Variants in RPRD1B observed in about 807,000 individuals in gnomAD.
The protein encoded by RPRD1B is regulation of nuclear pre-mRNA domain containing 1B, also known as regulation of nuclear pre-mRNA domain-containing protein 1B.
In RPRD1B, 11 loss-of-function variants were observed where a neutral mutation model predicts 41.5. That is an observed-to-expected ratio of 0.27 (90% CI 0.17 to 0.44). The LOEUF is 0.44. Among genes scored for constraint, RPRD1B ranks in the 20% least tolerant of loss-of-function variants. The pLI is 1.00. For synonymous variants in RPRD1B, 158 were observed against 155.6 expected, an observed-to-expected ratio of 1.02 and a Z score of -0.12; for missense variants, 248 against 389.9, an observed-to-expected ratio of 0.64 and a Z score of 3.06.
chr20:38,034,060 G>C lies in RPRD1B; in HGVS notation c.113G>C (p.Gly38Ala). Residue 38 changes from glycine (G) to alanine (A), a missense_variant, in exon 1 of 7, where the codon GGA (glycine) becomes GCA (alanine). Around this residue, in one of 5 missense-constraint regions of RPRD1B, gnomAD observed 47 missense variants for 103.6 expected, o/e 0.45. Coordinates refer to ENST00000373433, the MANE Select transcript of RPRD1B (RefSeq NM_021215.4). ...CTCATCCACCACCGCAAGCACGCGG[G>C]ACCCATCGTCTCCGTGTGGCACCGC... ...LWLIHHRKHA[G>A]PIVSVWHREL... 3 of 1,614,156 alleles carry C rather than the reference G, an allele frequency of 1.9e-6. No individual in the cohort carries two copies. Among genetic ancestry groups the C allele is most frequent in the Non-Finnish European group, 2.5e-6 (3 of 1,180,006 alleles).
intron 3 of RPRD1B, among the ~76,000 whole-genome samples, chr20:38,049,002 T>G (rs2074151023): frequency 2.6e-5 from 4 of 152,182 alleles, no homozygotes. Flanking sequence ...CAGGCTGGAG[T>G]GCAGTGGCGT....
At chr20:38,070,012 G>C (rs188191064) in intron 6 of RPRD1B, among the ~76,000 whole-genome samples, 1 of 146,104 alleles carries the variant, frequency 6.8e-6, no homozygotes, top group East Asian at 2.0e-4. Context: ...TAGAGAAAAG[G>C]GTTTTTTTTT....
At chr20:38,049,819 G>C (rs1017008539) in intron 3 of RPRD1B, 5 of 471,054 alleles carry the variant, frequency 1.1e-5, no homozygotes, top group South Asian at 6.2e-5. Context: ...TCCAAGTACT[G>C]ATAGTATTGA....
chr20:38,034,553 T>C (rs2073974506), intron 1 of RPRD1B, among the ~76,000 whole-genome samples: 1 of 152,140 alleles, frequency 6.6e-6, no homozygotes, highest in African/African-American at 2.4e-5. Flanking sequence ...TGTGTCTCCG[T>C]TTTCTCATCT....
intron 6 of RPRD1B, among the ~76,000 whole-genome samples, chr20:38,089,408 A>C (rs2074592453): frequency 6.6e-6 from 1 of 152,214 alleles, no homozygotes; most frequent in African/African-American, 2.4e-5. Context: ...TTTATAAAGC[A>C]TTTTGAAACT....
chr20:38,073,761 T>C (rs1226382670), intron 6 of RPRD1B, among the ~76,000 whole-genome samples: 1 of 152,250 alleles, frequency 6.6e-6, no homozygotes, highest in Non-Finnish European at 1.5e-5. Context: ...GCCGGTGATC[T>C]AATTGTCATT....
rs756651726 is a variant in RPRD1B at position 38,066,149 on chromosome 20, G to A, written c.724G>A (p.Gly242Arg). 16 of 1,614,142 alleles carry A rather than the reference G, an allele frequency of 9.9e-6. No individual in the cohort carries two copies. Among genetic ancestry groups the A allele is most frequent in the Non-Finnish European group, 1.3e-5 (15 of 1,180,032 alleles). ...ATGTCTGTTACTAGCAGAATATAAC[G>A]GGCGCCTGGCAGCAGAACTGGAGGA... ...EACLLLAEYN[G>R]RLAAELEDRR... The change falls in exon 6 of 7, where the codon GGG (glycine) becomes AGG (arginine). Residue 242 changes from glycine (G) to arginine (R), a missense_variant. Coordinates refer to ENST00000373433, the MANE Select transcript of RPRD1B (RefSeq NM_021215.4).
chr20:38,068,439 T>A (rs953574070), intron 6 of RPRD1B, among the ~76,000 whole-genome samples: 4 of 152,130 alleles, frequency 2.6e-5, no homozygotes, highest in African/African-American at 9.7e-5. Context: ...GTCACTCAGG[T>A]TGGAGTGCAG....
At position 38,090,641 on chromosome 20, in the gene RPRD1B, G is replaced by A. The variant is rs1025490100; in HGVS notation, c.*766G>A. 66 of 985,362 alleles carry A rather than the reference G, an allele frequency of 6.7e-5. No individual in the cohort carries two copies. Among genetic ancestry groups the A allele is most frequent in the East Asian group, 1.1e-4 (1 of 8,832 alleles). 61.0% of individuals were successfully genotyped at this position (985,362 alleles called of 1,614,324 possible). On this transcript the variant is annotated 3_prime_UTR_variant, in exon 7 of 7. Coordinates refer to ENST00000373433, the MANE Select transcript of RPRD1B (RefSeq NM_021215.4). ...CTTCTCCACTGTCGGAGCACGTTCC[G>A]AAAAACAGAATGCCTTGATCCCTGG...
chr20:38,086,486 A>G (rs999301566), intron 6 of RPRD1B, among the ~76,000 whole-genome samples: 2 of 152,030 alleles, frequency 1.3e-5, no homozygotes, highest in Non-Finnish European at 2.9e-5. Flanking sequence ...TTTTCTTTTT[A>G]CCAGCCTCAG....
At chr20:38,082,032 T>C (rs1343409486) in intron 6 of RPRD1B, among the ~76,000 whole-genome samples, 1 of 152,220 alleles carries the variant, frequency 6.6e-6, no homozygotes, top group Non-Finnish European at 1.5e-5. Flanking sequence ...TCATTGTGTC[T>C]GCCAGGTTTT....
chr20:38,078,972 T>C (rs2122760867), intron 6 of RPRD1B, among the ~76,000 whole-genome samples: 1 of 152,356 alleles, frequency 6.6e-6, no homozygotes, highest in African/African-American at 2.4e-5. Context: ...TTAATAATTC[T>C]TTTTCTTCAA....
intron 4 of RPRD1B, 30 bp from the exon 5 acceptor site, chr20:38,059,364 G>T: frequency 6.3e-7 from 1 of 1,594,010 alleles, no homozygotes; most frequent in Non-Finnish European, 8.6e-7. Flanking sequence ...TGTCTTAATG[G>T]GTAGTGTTGT....
At chr20:38,066,599 A>G (rs2074359212) in intron 6 of RPRD1B, among the ~76,000 whole-genome samples, 1 of 152,180 alleles carries the variant, frequency 6.6e-6, no homozygotes, top group South Asian at 2.1e-4. Flanking sequence ...ACCAAAGAAT[A>G]TGTTTGGTAG....
intron 6 of RPRD1B, among the ~76,000 whole-genome samples, chr20:38,076,154 C>G (rs2074457774): frequency 6.6e-6 from 1 of 152,196 alleles, no homozygotes; most frequent in Admixed American, 6.5e-5. Flanking sequence ...GGCATAGACT[C>G]AGTAGGAATT....
In RPRD1B at chr20:38,089,955, C is replaced by T; in HGVS notation, c.*80C>T. 1 of 1,552,936 alleles carries T rather than the reference C, an allele frequency of 6.4e-7. No individual in the cohort carries two copies. Among genetic ancestry groups the T allele is most frequent in the Non-Finnish European group, 8.7e-7 (1 of 1,152,046 alleles). ...TCATGGTTGGAAATAACCTTCTAGC[C>T]CCTGGTTCTATCCCTTCTTCCGCCC... On this transcript the variant is annotated 3_prime_UTR_variant, in exon 7 of 7. Transcript: ENST00000373433.
chr20:38,078,264 G>C (rs1407399292), intron 6 of RPRD1B, among the ~76,000 whole-genome samples: 2 of 151,422 alleles, frequency 1.3e-5, no homozygotes, highest in Admixed American at 1.3e-4. Context: ...CACATCTCTT[G>C]TTGTGTCCCA....
chr20:38,076,906 C>CTTTTTTTTT (rs573460686), intron 6 of RPRD1B, among the ~76,000 whole-genome samples: 886 of 63,508 alleles, frequency 0.014, 207 homozygotes, highest in Middle Eastern at 0.021. Flanking sequence ...CATTCTGGAC[C>CTTTTTTTTT]TTTTTTTTTT....
At chr20:38,070,315 T>C (rs1048181596) in intron 6 of RPRD1B, 1 of 985,318 alleles carries the variant, frequency 1.0e-6, no homozygotes, top group African/African-American at 1.7e-5. Flanking sequence ...GGGTAATGTT[T>C]TTGTCATGAA....
Sources: gnomAD v4.1 joint callset for allele counts (sites outside exome capture counted in the v4.1 genomes callset) on GRCh38, gnomAD v4.1.1 for gene constraint, gnomAD v4.1.1 regional missense constraint, MANE v1.5 for transcripts, NCBI Gene and HGNC (gene_info 2026-07-23, HGNC 2026-07-21) for gene names.